Variants in SPRY3 observed in about 807,000 individuals in gnomAD.
SPRY3 encodes protein sprouty homolog 3.
A neutral mutation model predicts 20.2 loss-of-function variants in SPRY3; 15 were observed. That is an observed-to-expected ratio of 0.74 (90% CI 0.50 to 1.14). The LOEUF is 1.14. Ranked by LOEUF, SPRY3 falls within the 50% of genes most tolerant of loss-of-function variation. The pLI is 0.00. For synonymous variants in SPRY3, 143 were observed against 136.5 expected, an observed-to-expected ratio of 1.05 and a Z score of -0.33; for missense variants, 364 against 363.9, an observed-to-expected ratio of 1.00 and a Z score of 0.00.
At chrX:155,633,936 C>T (rs2067915172) in intron 1 of SPRY3, among the ~76,000 whole-genome samples, 1 of 111,399 alleles carries the variant, frequency 9.0e-6, no homozygotes, top group Admixed American at 9.5e-5. Context: ...CAAAAATTAG[C>T]TGGGCGTGGT....
At chrX:155,619,070 T>G (rs1251446506) in intron 1 of SPRY3, among the ~76,000 whole-genome samples, 1 of 93,020 alleles carries the variant, frequency 1.1e-5, no homozygotes, top group Non-Finnish European at 2.2e-5. Context: ...TACCAAGTTT[T>G]TTTATGGATT....
At chrX:155,688,744 C>G (rs1412353080) in intron 2 of SPRY3, among the ~76,000 whole-genome samples, 1 of 103,912 alleles carries the variant, frequency 9.6e-6, no homozygotes, top group Admixed American at 1.0e-4. Flanking sequence ...AGGTTTGTTA[C>G]ATAGGTAAAC....
intron 2 of SPRY3, among the ~76,000 whole-genome samples, chrX:155,735,898 CT>C (rs953910495): frequency 6.0e-5 from 9 of 150,920 alleles, no homozygotes; most frequent in Admixed American, 4.0e-4. Context: ...ATCTTCCACT[CT>C]TTTTTTTTCT....
At chrX:155,648,314 T>G (rs1403544545) in intron 1 of SPRY3, among the ~76,000 whole-genome samples, 3 of 112,832 alleles carry the variant, frequency 2.7e-5, no homozygotes, top group African/African-American at 9.6e-5. Flanking sequence ...TTAGATCCCA[T>G]TTGTCAATGT....
At chrX:155,625,701 A>G (rs782422718) in intron 1 of SPRY3, among the ~76,000 whole-genome samples, 5 of 111,139 alleles carry the variant, frequency 4.5e-5, no homozygotes, top group Non-Finnish European at 9.5e-5. Context: ...AATTTTCATT[A>G]CCCCAAAAAC....
chrX:155,724,569 G>A (rs1218911219), intron 2 of SPRY3, among the ~76,000 whole-genome samples: 1 of 152,118 alleles, frequency 6.6e-6, no homozygotes, highest in East Asian at 1.9e-4. Flanking sequence ...TGAAGCAATT[G>A]TGAATGGGAG....
exon 4 of SPRY3, chrX:155,774,964 C>A: frequency 1.6e-6 from 1 of 606,200 alleles, no homozygotes; most frequent in South Asian, 2.3e-5. Flanking sequence ...CCTGCCAGCT[C>A]AGCCTTTATG....
chrX:155,617,314 C>T (rs1211603881), intron 1 of SPRY3, among the ~76,000 whole-genome samples: 1 of 109,994 alleles, frequency 9.1e-6, no homozygotes, highest in African/African-American at 3.3e-5. Flanking sequence ...CTGATTTAAG[C>T]AGGAAAAAAA....
intron 2 of SPRY3, among the ~76,000 whole-genome samples, chrX:155,745,888 C>T (rs1270233271): frequency 6.6e-6 from 1 of 151,978 alleles, no homozygotes; most frequent in Non-Finnish European, 1.5e-5. Context: ...TGAATTGTAA[C>T]CTGGCCTTCA....
intron 2 of SPRY3, among the ~76,000 whole-genome samples, chrX:155,664,732 A>G (rs945703287): frequency 8.2e-5 from 9 of 109,968 alleles, no homozygotes; most frequent in Non-Finnish European, 1.3e-4. Context: ...GGCAGGTTTA[A>G]ACCCTAAGTA....
chrX:155,760,351 G>A (rs1327541542), intron 2 of SPRY3, among the ~76,000 whole-genome samples: 2 of 152,100 alleles, frequency 1.3e-5, no homozygotes, highest in Admixed American at 1.3e-4. Context: ...TGACTTCCAA[G>A]GCCTTAGCAT....
intron 2 of SPRY3, among the ~76,000 whole-genome samples, chrX:155,718,311 A>C (rs777064725): frequency 2.6e-5 from 4 of 152,280 alleles, no homozygotes; most frequent in Non-Finnish European, 4.4e-5. Flanking sequence ...CTTGACAAAA[A>C]AAGATTGTGT....
At chrX:155,633,383 A>C (rs1483204912) in intron 1 of SPRY3, among the ~76,000 whole-genome samples, 1 of 104,705 alleles carries the variant, frequency 9.6e-6, no homozygotes, top group African/African-American at 3.5e-5. Flanking sequence ...TACTAAAAAA[A>C]AAAAAAAAAA....
chrX:155,728,660 A>T (rs2091114991), intron 2 of SPRY3, among the ~76,000 whole-genome samples: 1 of 152,204 alleles, frequency 6.6e-6, no homozygotes. Context: ...TGCTAAGACC[A>T]TGGGAAAAGC....
At chrX:155,725,905 G>T (rs1373951397) in intron 2 of SPRY3, among the ~76,000 whole-genome samples, 2 of 152,080 alleles carry the variant, frequency 1.3e-5, no homozygotes, top group African/African-American at 2.4e-5. Context: ...TTTTAATTGT[G>T]ATGTTAGGAT....
intron 2 of SPRY3, among the ~76,000 whole-genome samples, chrX:155,724,168 T>C (rs1453532986): frequency 6.6e-6 from 1 of 152,214 alleles, no homozygotes; most frequent in Non-Finnish European, 1.5e-5. Context: ...ACCAGTACCA[T>C]GCTGTTTTGG....
At chrX:155,738,244 A>G (rs2091181698) in intron 2 of SPRY3, among the ~76,000 whole-genome samples, 2 of 152,166 alleles carry the variant, frequency 1.3e-5, no homozygotes, top group South Asian at 4.2e-4. Flanking sequence ...TAAGAGGATG[A>G]AAAAACAAGG....
intron 2 of SPRY3, among the ~76,000 whole-genome samples, chrX:155,746,476 G>T (rs749338957): frequency 6.6e-6 from 1 of 151,922 alleles, no homozygotes; most frequent in African/African-American, 2.4e-5. Flanking sequence ...AAATCATCTT[G>T]CCCTCAATTA....
chrX:155,692,118 G>C (rs1473516091), intron 2 of SPRY3, among the ~76,000 whole-genome samples: 1 of 110,444 alleles, frequency 9.1e-6, no homozygotes, highest in Non-Finnish European at 1.9e-5. Context: ...TAGAATGATG[G>C]TTACCAGAGA....
Sources: gnomAD v4.1 joint callset for allele counts (sites outside exome capture counted in the v4.1 genomes callset) on GRCh38, gnomAD v4.1.1 for gene constraint, MANE v1.5 for transcripts, NCBI Gene and HGNC (gene_info 2026-07-23, HGNC 2026-07-21) for gene names.